Variants in HECW1 observed in about 807,000 individuals in gnomAD.
HECW1 encodes E3 ubiquitin-protein ligase HECW1.
HECW1 carries 61 observed loss-of-function variants against 182.3 expected under a neutral mutation model. That is an observed-to-expected ratio of 0.33 (90% confidence interval 0.27 to 0.41). The LOEUF (loss-of-function observed/expected upper bound fraction) is 0.41, where lower values mean the gene tolerates loss of function less well. Among genes scored for constraint, HECW1 ranks in the 10% least tolerant of loss-of-function variants. HECW1 has a pLI of 1.00. For missense variants in HECW1, 1,739 were observed against 2,108.9 expected (o/e 0.82, Z 3.44); for synonymous variants, 859 against 832.6 (o/e 1.03, Z -0.55).
chr7:43,401,133 A>G (rs1037100480), intron 7 of HECW1, among the ~76,000 whole-genome samples: 1 of 152,184 alleles, frequency 6.6e-6, no homozygotes, highest in Non-Finnish European at 1.5e-5. Context: ...CATAGGCTCC[A>G]AGGATTAGGA....
chr7:43,170,364 C>T (rs1237054355), intron 2 of HECW1, among the ~76,000 whole-genome samples: 1 of 152,012 alleles, frequency 6.6e-6, no homozygotes, highest in African/African-American at 2.4e-5. Flanking sequence ...CTCCCCCACC[C>T]CTGTCTGTGG....
chr7:43,165,789 A>T (rs563716151), intron 2 of HECW1, among the ~76,000 whole-genome samples: 2 of 152,224 alleles, frequency 1.3e-5, no homozygotes, highest in South Asian at 4.1e-4. Flanking sequence ...CTGTGTCTCC[A>T]GCAGAAATAA....
intron 2 of HECW1, among the ~76,000 whole-genome samples, chr7:43,190,326 C>A (rs1424664452): frequency 6.6e-6 from 1 of 152,186 alleles, no homozygotes; most frequent in African/African-American, 2.4e-5. Flanking sequence ...GTTGGTCAGG[C>A]TGGTCTTGAA....
chr7:43,133,480 A>T (rs1300710907), intron 2 of HECW1, among the ~76,000 whole-genome samples: 1 of 151,940 alleles, frequency 6.6e-6, no homozygotes, highest in Non-Finnish European at 1.5e-5. Context: ...TTTCTAGTTG[A>T]GACAAATAAA....
At chr7:43,417,665 C>T (rs1038534303) in intron 8 of HECW1, among the ~76,000 whole-genome samples, 1 of 152,012 alleles carries the variant, frequency 6.6e-6, no homozygotes, top group African/African-American at 2.4e-5. Context: ...AGTTCAAGGC[C>T]AGCCAGGGCA....
intron 16 of HECW1, among the ~76,000 whole-genome samples, chr7:43,472,792 G>A (rs2078074574): frequency 6.6e-6 from 1 of 152,002 alleles, no homozygotes; most frequent in Non-Finnish European, 1.5e-5. Flanking sequence ...TAATATAAAA[G>A]TTACCTACAA....
intron 5 of HECW1, among the ~76,000 whole-genome samples, chr7:43,352,035 A>G (rs1409546061): frequency 6.6e-6 from 1 of 152,202 alleles, no homozygotes; most frequent in Non-Finnish European, 1.5e-5. Flanking sequence ...AAACCTGTCA[A>G]ATATTCTTTT....
chr7:43,222,047 G>A (rs143780762), intron 2 of HECW1, among the ~76,000 whole-genome samples: 71 of 152,294 alleles, frequency 4.7e-4, no homozygotes, highest in African/African-American at 1.5e-3. Flanking sequence ...AACAAGATCT[G>A]CAGGCCATTC....
In HECW1 at chr7:43,565,536, C is replaced by A. The variant is rs1271059066; in HGVS notation, c.*3610C>A. On this transcript the variant is annotated 3_prime_UTR_variant, in exon 30 of 30. Coordinates refer to ENST00000395891, the MANE Select transcript of HECW1 (RefSeq NM_015052.5). ...CACTTTCAAATGAAAGTAGTTAGAA[C>A]TTTACATAACAAATGTGGTGCTTTA... The A allele has an allele frequency of 1.1e-5, 2 of 178,594 alleles. No homozygotes were observed. The highest frequency in any genetic ancestry group is 2.4e-5 in the Non-Finnish European group (2 of 83,880). 11.1% of individuals were successfully genotyped at this position (178,594 alleles called of 1,614,324 possible). A position where few individuals can be genotyped will look rare whatever the true frequency, so the allele number is the denominator to read the frequency against.
chr7:43,379,345 C>T (rs891475545), intron 6 of HECW1, among the ~76,000 whole-genome samples: 2 of 152,206 alleles, frequency 1.3e-5, no homozygotes, highest in African/African-American at 4.8e-5. Context: ...CCTGCACACA[C>T]ACTCCCATGC....
At chr7:43,325,180 G>T (rs1161863042) in intron 5 of HECW1, among the ~76,000 whole-genome samples, 1 of 152,174 alleles carries the variant, frequency 6.6e-6, no homozygotes, top group Non-Finnish European at 1.5e-5. Context: ...TTTGACCATA[G>T]TGTCAATGGC....
At chr7:43,494,890 C>T (rs2079058215) in intron 19 of HECW1, among the ~76,000 whole-genome samples, 1 of 152,124 alleles carries the variant, frequency 6.6e-6, no homozygotes, top group African/African-American at 2.4e-5. Flanking sequence ...CTGCACTAAG[C>T]TTTTCCTTCC....
intron 6 of HECW1, among the ~76,000 whole-genome samples, chr7:43,385,310 C>G (rs2074748890): frequency 1.7e-5 from 2 of 117,732 alleles, no homozygotes; most frequent in East Asian, 2.9e-4. Flanking sequence ...CCCCTCCCCT[C>G]CTGCGTACTG....
chr7:43,335,239 T>G (rs1811971965), intron 5 of HECW1, among the ~76,000 whole-genome samples: 1 of 152,152 alleles, frequency 6.6e-6, no homozygotes, highest in African/African-American at 2.4e-5. Context: ...CACCAGCAGT[T>G]CCCAAATTAG....
At chr7:43,347,090 T>C (rs966831258) in intron 5 of HECW1, among the ~76,000 whole-genome samples, 1 of 152,196 alleles carries the variant, frequency 6.6e-6, no homozygotes, top group African/African-American at 2.4e-5. Flanking sequence ...GGCAGTGTGG[T>C]CATTTTCACA....
Position 43,474,176 on chromosome 7 carries a change from G to A in HECW1, c.3099+5071G>A, listed in dbSNP as rs562137600. On this transcript the variant is annotated intron_variant, in intron 16 of 29. Coordinates refer to ENST00000395891, the MANE Select transcript of HECW1 (RefSeq NM_015052.5). ...ATCATAATCCTTAAATGGGCCAGGCGCGGTGGCTCACGCCTGTAATCCCAG... is the reference window on the plus strand; with the variant it reads ...ATCATAATCCTTAAATGGGCCAGGCACGGTGGCTCACGCCTGTAATCCCAG... 3.3e-4 allele frequency among the ~76,000 whole-genome samples: 50 copies of A among 152,280 alleles called. No homozygotes were observed. The East Asian group carries it at 3.9e-3, about 12-fold the overall frequency.
At chr7:43,449,902 G>A (rs906106202) in intron 11 of HECW1, among the ~76,000 whole-genome samples, 1 of 152,206 alleles carries the variant, frequency 6.6e-6, no homozygotes, top group Non-Finnish European at 1.5e-5. Flanking sequence ...CTTCTGCATG[G>A]CTGCTCTACA....
At chr7:43,287,950 C>T (rs973533231) in intron 3 of HECW1, among the ~76,000 whole-genome samples, 6 of 152,148 alleles carry the variant, frequency 3.9e-5, no homozygotes, top group African/African-American at 1.4e-4. Context: ...GGGAAGAGCA[C>T]ATTTAAGGCT....
intron 21 of HECW1, among the ~76,000 whole-genome samples, chr7:43,502,608 G>A (rs1284682942): frequency 6.6e-6 from 1 of 152,106 alleles, no homozygotes; most frequent in Non-Finnish European, 1.5e-5. Flanking sequence ...GCAGTGAACC[G>A]AGATTGTGCC....
Sources: allele counts gnomAD v4.1 joint callset (sites outside exome capture counted in the v4.1 genomes callset), GRCh38; gene constraint gnomAD v4.1.1; transcripts MANE v1.5; gene names NCBI Gene and HGNC (gene_info 2026-07-23, HGNC 2026-07-21).